Variants in RBFOX1 observed in about 807,000 individuals in gnomAD.
The protein encoded by RBFOX1 is RNA binding protein fox-1 homolog 1.
RBFOX1 carries 8 observed loss-of-function variants against 57.7 expected under a neutral mutation model. The ratio of observed to expected loss-of-function variants is 0.14; its 90% CI spans 0.08 to 0.25. The LOEUF (loss-of-function observed/expected upper bound fraction) is 0.25, where lower values mean the gene tolerates loss of function less well. Among genes scored for constraint, RBFOX1 ranks in the 10% least tolerant of loss-of-function variants. The pLI is 1.00. For synonymous variants in RBFOX1, 326 were observed against 222.4 expected (o/e 1.47, Z -4.15); for missense variants, 611 against 548.5 (o/e 1.11, Z -1.14).
chr16:6,804,120 G>C (rs1455900351), intron 3 of RBFOX1, among the ~76,000 whole-genome samples: 2 of 151,586 alleles, frequency 1.3e-5, no homozygotes, highest in East Asian at 3.9e-4. Context: ...GATTCTCCTT[G>C]CCTCAGGCAT....
At chr16:6,699,820 G>A (rs935112057) in intron 3 of RBFOX1, among the ~76,000 whole-genome samples, 7 of 152,126 alleles carry the variant, frequency 4.6e-5, no homozygotes, top group African/African-American at 1.4e-4. Flanking sequence ...ACTCATGATG[G>A]TTGTATGTAG....
At chr16:5,460,100 G>A (rs528197580) in intron 1 of RBFOX1, among the ~76,000 whole-genome samples, 4 of 151,974 alleles carry the variant, frequency 2.6e-5, no homozygotes, top group South Asian at 2.1e-4. Flanking sequence ...GTGTAAAGTC[G>A]GCATGTTTTT....
At chr16:6,831,057 C>G (rs1444383416) in intron 3 of RBFOX1, among the ~76,000 whole-genome samples, 1 of 152,202 alleles carries the variant, frequency 6.6e-6, no homozygotes, top group African/African-American at 2.4e-5. Flanking sequence ...TTGCTCTAAT[C>G]AAATGTACCT....
At chr16:5,981,681 C>G (rs1286791256) in intron 4 of RBFOX1, among the ~76,000 whole-genome samples, 1 of 152,092 alleles carries the variant, frequency 6.6e-6, no homozygotes, top group Non-Finnish European at 1.5e-5. Flanking sequence ...ATTGGTCAGT[C>G]TGGTCTTGAA....
chr16:7,525,424 T>C (rs549393544), intron 5 of RBFOX1, among the ~76,000 whole-genome samples: 2 of 152,284 alleles, frequency 1.3e-5, no homozygotes, highest in Admixed American at 6.5e-5. Context: ...CAAAGATTGC[T>C]CTCCATCTCT....
chr16:6,151,516 C>A (rs554576405), intron 1 of RBFOX1, among the ~76,000 whole-genome samples: 1 of 152,156 alleles, frequency 6.6e-6, no homozygotes, highest in Non-Finnish European at 1.5e-5. Flanking sequence ...GAATTCCTGA[C>A]TTCAGGTTAT....
intron 4 of RBFOX1, among the ~76,000 whole-genome samples, chr16:5,944,197 T>C (rs1302239494): frequency 6.6e-6 from 1 of 152,230 alleles, no homozygotes; most frequent in Non-Finnish European, 1.5e-5. Context: ...TGAACAATGA[T>C]AAGATTGAGT....
intron 1 of RBFOX1, among the ~76,000 whole-genome samples, chr16:5,399,189 C>G (rs1401123960): frequency 6.6e-6 from 1 of 152,138 alleles, no homozygotes; most frequent in African/African-American, 2.4e-5. Context: ...AAATTAGAGT[C>G]CCTCCCTCGC....
At chr16:6,446,484 C>T (rs1420051692) in intron 2 of RBFOX1, among the ~76,000 whole-genome samples, 1 of 152,036 alleles carries the variant, frequency 6.6e-6, no homozygotes, top group African/African-American at 2.4e-5. Context: ...ATAGAAGGGA[C>T]CAGGAGTTTG....
Position 6,449,982 on chromosome 16 carries a change from C to T in RBFOX1, c.-64+132925C>T, listed in dbSNP as rs180981078. Reference sequence around the variant, plus strand: ...AGAGCTGTGTGCATGGAGTGGATTGCGTTAGTTCCCTGCTAGAATTGCTTT... The same window carrying T: ...AGAGCTGTGTGCATGGAGTGGATTGTGTTAGTTCCCTGCTAGAATTGCTTT... On this transcript the variant is annotated intron_variant, in intron 2 of 15. Transcript: ENST00000550418. Among the ~76,000 whole-genome samples the T allele has an allele frequency of 5.9e-5, 9 of 152,252 alleles. No homozygotes were observed. In the East Asian group the frequency reaches 1.2e-3, roughly 20 times the overall value.
chr16:5,273,501 C>A (rs1157286933), intron 1 of RBFOX1, among the ~76,000 whole-genome samples: 1 of 152,192 alleles, frequency 6.6e-6, no homozygotes, highest in Non-Finnish European at 1.5e-5. Flanking sequence ...CATCACCTCC[C>A]TGAAGAGGGC....
chr16:5,937,808 A>G (rs971482187), intron 4 of RBFOX1, among the ~76,000 whole-genome samples: 1 of 150,008 alleles, frequency 6.7e-6, no homozygotes, highest in African/African-American at 2.4e-5. Flanking sequence ...TATATAAATT[A>G]TACAAATATA....
At chr16:5,983,357 C>T (rs949956365) in intron 4 of RBFOX1, among the ~76,000 whole-genome samples, 3 of 152,190 alleles carry the variant, frequency 2.0e-5, no homozygotes, top group Non-Finnish European at 2.9e-5. Context: ...TCCACTTAGA[C>T]GTGGAGCTTC....
intron 3 of RBFOX1, among the ~76,000 whole-genome samples, chr16:5,801,751 TTTGTG>T (rs2055064330): frequency 6.7e-6 from 1 of 148,478 alleles, no homozygotes; most frequent in Non-Finnish European, 1.5e-5. Flanking sequence ...ACATAGGTTT[TTTGTG>T]TTGTTTGTTT....
At chr16:7,611,255 T>G (rs116201956) in intron 10 of RBFOX1, among the ~76,000 whole-genome samples, 87 of 152,370 alleles carry the variant, frequency 5.7e-4, no homozygotes, top group African/African-American at 2.0e-3. Flanking sequence ...TTTAGTAGAC[T>G]TGTCCCTAAC....
chr16:5,839,901 C>A (rs1051294541), intron 3 of RBFOX1, among the ~76,000 whole-genome samples: 2 of 152,078 alleles, frequency 1.3e-5, no homozygotes, highest in African/African-American at 2.4e-5. Flanking sequence ...GTTGGTAACC[C>A]CTATGAGCAA....
intron 2 of RBFOX1, among the ~76,000 whole-genome samples, chr16:5,483,742 G>A (rs151151958): frequency 1.3e-3 from 201 of 152,306 alleles, no homozygotes; most frequent in African/African-American, 4.6e-3. Flanking sequence ...ATCTATTGCT[G>A]TGTAACAAAT....
At chr16:6,456,859 C>T (rs1411590310) in intron 2 of RBFOX1, among the ~76,000 whole-genome samples, 1 of 152,144 alleles carries the variant, frequency 6.6e-6, no homozygotes, top group Non-Finnish European at 1.5e-5. Context: ...TAGTTGGATT[C>T]ATGTACCATT....
chr16:6,863,539 T>C (rs2059371447), intron 3 of RBFOX1, among the ~76,000 whole-genome samples: 1 of 151,968 alleles, frequency 6.6e-6, no homozygotes, highest in Admixed American at 6.6e-5. Context: ...ACAATTATTT[T>C]CTGGTTACAT....
Sources: gnomAD v4.1 joint callset for allele counts (sites outside exome capture counted in the v4.1 genomes callset) on GRCh38, gnomAD v4.1.1 for gene constraint, MANE v1.5 for transcripts, NCBI Gene and HGNC (gene_info 2026-07-23, HGNC 2026-07-21) for gene names.